The following YES1 variants were observed in gnomAD, a reference collection of about 807,000 sequenced individuals.
YES1 encodes tyrosine-protein kinase Yes.
Under a neutral mutation model 70.4 loss-of-function variants are expected in YES1, and 39 were observed. That is an observed-to-expected ratio of 0.55 (90% CI 0.43 to 0.72). The LOEUF (loss-of-function observed/expected upper bound fraction) is 0.72, where lower values mean the gene tolerates loss of function less well. YES1 is among the 30% of genes least tolerant of loss of function. The probability of loss-of-function intolerance (pLI) is 0.00; values close to 1 mark genes in which losing one functional copy is unlikely to be tolerated. For synonymous variants in YES1, 198 were observed against 218.6 expected (o/e 0.91, Z 0.83); for missense variants, 495 against 644.8 (o/e 0.77, Z 2.52).
rs58789989 is a variant in YES1, at chr18:754,565, G to A, written c.271+1992C>T. 2.1e-3 allele frequency among the ~76,000 whole-genome samples: 319 copies of A among 152,070 alleles called. 2 individuals carry two copies. The highest frequency in any genetic ancestry group is 7.1e-3 in the African/African-American group (296 of 41,490). ...TACTAAAGTACAAAAAAAATTAGCC[G>A]GGTGCCGTGGTGTTTGTTTCTTGTT... On this transcript the variant is annotated intron_variant, in intron 2 of 11. Coordinates refer to ENST00000314574, the MANE Select transcript of YES1 (RefSeq NM_005433.4).
At chr18:726,038 G>A (rs962060748) in intron 11 of YES1, among the ~76,000 whole-genome samples, 8 of 152,110 alleles carry the variant, frequency 5.3e-5, no homozygotes, top group Non-Finnish European at 1.0e-4. Flanking sequence ...TTTATTTTAT[G>A]CTTATTATTT....
intron 11 of YES1, among the ~76,000 whole-genome samples, chr18:729,021 A>G (rs550684824): frequency 2.8e-4 from 43 of 152,220 alleles, no homozygotes; most frequent in African/African-American, 9.9e-4. Flanking sequence ...TTACTTTTTA[A>G]AAATGTTGTT....
chr18:737,502 A>C (rs1439144205), intron 9 of YES1: 3 of 152,478 alleles, frequency 2.0e-5, no homozygotes, highest in Admixed American at 6.5e-5. Flanking sequence ...TAACCCTCCT[A>C]ATGTCTTCTT....
intron 1 of YES1, among the ~76,000 whole-genome samples, chr18:807,999 G>A (rs1420324078): frequency 6.6e-6 from 1 of 152,122 alleles, no homozygotes; most frequent in Non-Finnish European, 1.5e-5. Context: ...CCCTAGATTT[G>A]GGGGGGAAAA....
At chr18:740,175 T>C (rs2080201207) in intron 8 of YES1, among the ~76,000 whole-genome samples, 1 of 152,192 alleles carries the variant, frequency 6.6e-6, no homozygotes, top group Admixed American at 6.5e-5. Context: ...ATCTTGGGTG[T>C]GGTTAAAACT....
chr18:746,713 T>C (rs1180846417), intron 4 of YES1, among the ~76,000 whole-genome samples: 1 of 152,206 alleles, frequency 6.6e-6, no homozygotes, highest in Non-Finnish European at 1.5e-5. Flanking sequence ...GAAAATAAAG[T>C]AGCGTTTATG....
At chr18:749,104 T>C (rs755128887) in intron 3 of YES1, among the ~76,000 whole-genome samples, 38 of 152,022 alleles carry the variant, frequency 2.5e-4, no homozygotes, top group Non-Finnish European at 5.1e-4. Context: ...GAGGTTGCAG[T>C]GAGCCGAGAT....
Position 810,009 on chromosome 18 carries a change from GTTT to G in YES1, c.-9+2102_-9+2104del, listed in dbSNP as rs71174293. On this transcript the variant is annotated intron_variant, in intron 1 of 11. Coordinates refer to ENST00000314574, the MANE Select transcript of YES1 (RefSeq NM_005433.4). ...TTACGTTCACAGAATTTCCTTGCAG[GTTT>G]TTTTTTTTTTTTAATTACCCAAGTT... Among the ~76,000 whole-genome samples, 32 of 142,068 alleles carry G rather than the reference GTTT, an allele frequency of 2.3e-4. 1 individual carries two copies. The highest frequency in any genetic ancestry group is 1.8e-3 in the South Asian group (8 of 4,430). The allele number at this position is 142,068 out of a possible 152,430, so 93.2% of individuals were successfully genotyped here.
intron 3 of YES1, among the ~76,000 whole-genome samples, chr18:750,031 T>G (rs1233785226): frequency 6.6e-6 from 1 of 152,178 alleles, no homozygotes; most frequent in Non-Finnish European, 1.5e-5. Context: ...GATATGGGAT[T>G]TGTTACTAAA....
intron 1 of YES1, among the ~76,000 whole-genome samples, chr18:786,138 T>C (rs530727915): frequency 2.9e-4 from 44 of 151,402 alleles, no homozygotes; most frequent in Admixed American, 1.4e-3. Context: ...CAACACAAAA[T>C]AAACTAAGAA....
chr18:739,919 T>C (rs78142911), intron 8 of YES1, 108 bp from the exon 9 acceptor site: 1 of 175,364 alleles, frequency 5.7e-6, no homozygotes, highest in African/African-American at 1.8e-4. Context: ...TAGCTTTTCA[T>C]TTTTTTTAAA....
intron 8 of YES1, among the ~76,000 whole-genome samples, chr18:741,562 G>C (rs2080217235): frequency 6.6e-6 from 1 of 152,098 alleles, no homozygotes; most frequent in Admixed American, 6.6e-5. Flanking sequence ...CCAGCACTTT[G>C]GGAGGCCAAG....
At chr18:781,253 G>A (rs1905647557) in intron 1 of YES1, among the ~76,000 whole-genome samples, 1 of 127,068 alleles carries the variant, frequency 7.9e-6, no homozygotes, top group Non-Finnish European at 1.6e-5. Flanking sequence ...TGGGGGACGA[G>A]AGTGAAACTC....
Position 724,344 on chromosome 18 carries a change from C to A in YES1, c.*80G>T. 7.4e-7 allele frequency: 1 copy of A among 1,349,434 alleles called. No individual in the cohort carries two copies. The highest frequency in any genetic ancestry group is 2.4e-5 in the East Asian group (1 of 41,810). 83.6% of individuals were successfully genotyped at this position (1,349,434 alleles called of 1,614,324 possible). A position where few individuals can be genotyped will look rare whatever the true frequency, so the allele number is the denominator to read the frequency against. On this transcript the variant is annotated 3_prime_UTR_variant, in exon 12 of 12. Transcript: ENST00000314574. ...AAACATGCAGAGTAAAGAAGATTTTCTTCTTTTGATTCCTGTAGAAAATCT... is the reference window on the plus strand; with the variant it reads ...AAACATGCAGAGTAAAGAAGATTTTATTCTTTTGATTCCTGTAGAAAATCT...
At chr18:782,725 C>T (rs1905735913) in intron 1 of YES1, among the ~76,000 whole-genome samples, 2 of 152,180 alleles carry the variant, frequency 1.3e-5, no homozygotes, top group Non-Finnish European at 2.9e-5. Flanking sequence ...CATAGAGTCT[C>T]GTTCTGTCAC....
chr18:802,600 C>T (rs1465995099), intron 1 of YES1, among the ~76,000 whole-genome samples: 1 of 150,656 alleles, frequency 6.6e-6, no homozygotes, highest in Non-Finnish European at 1.5e-5. Flanking sequence ...TTCAAATGTA[C>T]TATTTAATGA....
chr18:727,527 TTTTAA>T (rs1490511638), intron 11 of YES1, among the ~76,000 whole-genome samples: 3 of 152,172 alleles, frequency 2.0e-5, no homozygotes, highest in Admixed American at 6.5e-5. Context: ...CTCTCTTGCT[TTTTAA>T]TTTGATTAAA....
Position 743,306 on chromosome 18 carries a change from T to A in YES1, c.834A>T (p.Arg278=), listed in dbSNP as rs753494627. ...ATCCTTGTCCTAGTTTAACCTCTAG[T>A]CGCAAAGATTCTCGAGGGATTTCCC... is the stretch of plus-strand genomic sequence containing the variant. The part of the protein sequence containing the change: ...DAWEIPRESL[R]LEVKLGQGCF... Residue 278 remains arginine, a synonymous_variant, in exon 7 of 12, where the codon CGA becomes CGT. Transcript: ENST00000314574. 20 of 1,612,202 alleles carry A rather than the reference T, an allele frequency of 1.2e-5. No individual in the cohort carries two copies. The highest frequency in any genetic ancestry group is 1.7e-5 in the Non-Finnish European group (20 of 1,180,004).
chr18:732,635 C>T (rs770862135), intron 11 of YES1, among the ~76,000 whole-genome samples, 199 bp downstream of exon 11: 1 of 151,964 alleles, frequency 6.6e-6, no homozygotes, highest in Non-Finnish European at 1.5e-5. Flanking sequence ...TGTCAAGGAT[C>T]GTGGCTTTCA....
Sources: allele counts gnomAD v4.1 joint callset (sites outside exome capture counted in the v4.1 genomes callset), GRCh38; gene constraint gnomAD v4.1.1; transcripts MANE v1.5; gene names NCBI Gene and HGNC (gene_info 2026-07-23, HGNC 2026-07-21).